The following CDH19 variants were observed in gnomAD, a reference collection of about 807,000 sequenced individuals.
The protein encoded by CDH19 is cadherin 19.
Under a neutral mutation model 64.2 loss-of-function variants are expected in CDH19, and 67 were observed. That is an observed-to-expected ratio of 1.04 (90% CI 0.86 to 1.28). The LOEUF (loss-of-function observed/expected upper bound fraction) is 1.28, where lower values mean the gene tolerates loss of function less well. Among genes scored for constraint, CDH19 ranks in the 50% most tolerant of loss-of-function variants. The probability of loss-of-function intolerance (pLI) is 0.00; values close to 1 mark genes in which losing one functional copy is unlikely to be tolerated. For missense variants in CDH19, 1,030 were observed against 929.0 expected (o/e 1.11, Z -1.41); for synonymous variants, 346 against 319.3 (o/e 1.08, Z -0.89).
rs1984977104 is a variant in CDH19 at position 66,502,260 on chromosome 18, A to C, written c.*2552T>G. 1 of 152,060 alleles carries C rather than the reference A, an allele frequency of 6.6e-6. No individual in the cohort carries two copies. Among genetic ancestry groups the C allele is most frequent in the East Asian group, 1.9e-4 (1 of 5,180 alleles). 9.4% of individuals were successfully genotyped at this position (152,060 alleles called of 1,614,324 possible). ...TAAAAGGAACATATTTTAGACTACC[A>C]AAGAGATGAGCAATCGTGTCTGTGC... On this transcript the variant is annotated 3_prime_UTR_variant, in exon 12 of 12. Transcript: ENST00000262150.
chr18:66,545,785 T>A (rs1401964400), intron 5 of CDH19, among the ~76,000 whole-genome samples: 1 of 152,086 alleles, frequency 6.6e-6, no homozygotes, highest in Non-Finnish European at 1.5e-5. Context: ...CTGCATTACA[T>A]CAGCCATCCT....
intron 11 of CDH19, 30 bp downstream of exon 11, chr18:66,508,965 A>G: frequency 6.3e-7 from 1 of 1,592,722 alleles, no homozygotes; most frequent in Non-Finnish European, 8.6e-7. Context: ...CATAATGCAA[A>G]TGAGAATAGC....
At chr18:66,568,790 T>C (rs918016098) in intron 2 of CDH19, 80 bp from the exon 3 acceptor site, 16 of 1,119,102 alleles carry the variant, frequency 1.4e-5, no homozygotes, top group Non-Finnish European at 2.0e-5. Context: ...TTTTTATGTA[T>C]GTTAATTATT....
chr18:66,554,354 AT>A (rs1474412532), intron 4 of CDH19, 50 bp downstream of exon 4: 36 of 1,595,450 alleles, frequency 2.3e-5, no homozygotes, highest in Non-Finnish European at 3.1e-5. Context: ...TTTGCTGACA[AT>A]TGCCTTCTTT....
At chr18:66,557,518 T>C (rs1987562512) in intron 3 of CDH19, among the ~76,000 whole-genome samples, 1 of 152,060 alleles carries the variant, frequency 6.6e-6, no homozygotes, top group South Asian at 2.1e-4. Flanking sequence ...TGTGATATTA[T>C]AAATATTCAG....
chr18:66,541,979 C>T (rs938742979), intron 7 of CDH19, among the ~76,000 whole-genome samples: 4 of 152,046 alleles, frequency 2.6e-5, no homozygotes, highest in Middle Eastern at 3.2e-3. Context: ...AGTGGTATTA[C>T]CTATGCATCA....
intron 8 of CDH19, among the ~76,000 whole-genome samples, chr18:66,533,966 A>G (rs1986556164): frequency 6.6e-6 from 1 of 152,020 alleles, no homozygotes; most frequent in South Asian, 2.1e-4. Context: ...GCAGTTACAC[A>G]TATTTTCCCC....
chr18:66,563,720 A>T (rs1350655321), intron 3 of CDH19, among the ~76,000 whole-genome samples: 1 of 151,962 alleles, frequency 6.6e-6, no homozygotes, highest in Non-Finnish European at 1.5e-5. Flanking sequence ...AGCTGCAATT[A>T]CTCTACAACC....
rs1984923446 is a variant in CDH19, at chr18:66,501,154, AAG to A, written c.*3656_*3657del. ...CAATGGAAACCAAAAGAATTTCTAC[AAG>A]TCACTAAGTAAAATAGATTGGATTC... On this transcript the variant is annotated 3_prime_UTR_variant, in exon 12 of 12. Transcript: ENST00000262150. The A allele has an allele frequency of 6.6e-6, 1 of 152,184 alleles. No homozygotes were observed. Among genetic ancestry groups the A allele is most frequent in the Non-Finnish European group, 1.5e-5 (1 of 68,032 alleles). The allele number at this position is 152,184 out of a possible 1,614,324, so 9.4% of individuals were successfully genotyped here.
At chr18:66,561,125 C>T (rs1368939037) in intron 3 of CDH19, among the ~76,000 whole-genome samples, 1 of 152,054 alleles carries the variant, frequency 6.6e-6, no homozygotes, top group Non-Finnish European at 1.5e-5. Flanking sequence ...TAAGAGAAGT[C>T]TATTTATTGC....
intron 3 of CDH19, among the ~76,000 whole-genome samples, chr18:66,566,768 C>T (rs904464977): frequency 2.8e-4 from 42 of 151,866 alleles, no homozygotes; most frequent in African/African-American, 1.0e-3. Context: ...GCCAATCCCA[C>T]TCATTCTAAT....
rs538620894 is a variant in CDH19 at position 66,509,224 on chromosome 18, A to C, written c.1599T>G (p.Thr533=). The change falls in exon 11 of 12, where the codon ACT becomes ACG. Residue 533 remains threonine, a synonymous_variant. Coordinates refer to ENST00000262150, the MANE Select transcript of CDH19 (RefSeq NM_021153.4). The stretch of plus-strand genomic sequence containing the variant: ...CTTGAAGGTTAAAACCAGTTCTATT[A>C]GTCAAAATGACAGCTGTGTTATCTA... ...DNQDNTAVIL[T]NRTGFNLQEE... 6.2e-7 allele frequency: 1 copy of C among 1,612,456 alleles called. No homozygotes were observed. Among genetic ancestry groups the C allele is most frequent in the African/African-American group, 1.3e-5 (1 of 74,960 alleles).
In CDH19 at chr18:66,596,509, C is replaced by A. The variant is rs188769754; in HGVS notation, c.-113+7445G>T. Among the ~76,000 whole-genome samples, 172 of 152,058 alleles carry A rather than the reference C, an allele frequency of 1.1e-3. 5 individuals carry two copies. Among genetic ancestry groups the A allele is most frequent in the Admixed American group, 0.011 (170 of 15,266 alleles). On this transcript the variant is annotated intron_variant, in intron 1 of 11. Coordinates refer to ENST00000262150, the MANE Select transcript of CDH19 (RefSeq NM_021153.4). ...CAGTAACATTTCTATATACTGAGAA[C>A]GTCCATGCTGAGAGCCAAATCAAGA...
intron 9 of CDH19, 137 bp from the exon 10 acceptor site, chr18:66,511,822 G>C (rs369414494): frequency 2.9e-5 from 18 of 613,866 alleles, no homozygotes; most frequent in South Asian, 1.2e-4. Context: ...TGTCAAATCA[G>C]TGGAGAATAT....
intron 9 of CDH19, among the ~76,000 whole-genome samples, chr18:66,515,597 A>AT (rs1199657270): frequency 2.6e-4 from 39 of 151,974 alleles, no homozygotes; most frequent in Non-Finnish European, 4.1e-4. Flanking sequence ...AGGATTTTTC[A>AT]CAAAGTTTCA....
At position 66,572,324 on chromosome 18, in the gene CDH19, G is replaced by A. The variant is rs762497444; in HGVS notation, c.-112-8C>T. 4.3e-5 allele frequency: 26 copies of A among 609,308 alleles called. No individual in the cohort carries two copies. In the Admixed American group the frequency reaches 6.7e-4, roughly 16 times the overall value. 37.7% of individuals were successfully genotyped at this position (609,308 alleles called of 1,614,324 possible). ...TGTGTACCTTCTATATACCTAAAGC[G>A]TCAGAAACAAAACAAAATTTGACAT... On this transcript the variant is annotated splice_polypyrimidine_tract_variant and splice_region_variant and intron_variant, in intron 1 of 11. Coordinates refer to ENST00000262150, the MANE Select transcript of CDH19 (RefSeq NM_021153.4).
chr18:66,535,099 A>G lies in CDH19; in HGVS notation c.1223T>C (p.Ile408Thr). 6.8e-7 allele frequency: 1 copy of G among 1,470,074 alleles called. No individual in the cohort carries two copies. The highest frequency in any genetic ancestry group is 9.2e-7 in the Non-Finnish European group (1 of 1,085,914). The allele number at this position is 1,470,074 out of a possible 1,614,324, so 91.1% of individuals were successfully genotyped here. The change falls in exon 8 of 12, where the codon ATT becomes ACT. Residue 408 changes from isoleucine (I) to threonine (T), a missense_variant. By Grantham distance (89) the Ile-to-Thr change is moderately conservative. Coordinates refer to ENST00000262150, the MANE Select transcript of CDH19 (RefSeq NM_021153.4). ...DNRKSPIRYSITRSKVFNIND... is the reference protein window; with the variant it reads ...DNRKSPIRYSTTRSKVFNIND... ...GATATTGAACACTTTGCTCCTAGTA[A>G]TAGAATACCTGAACCAAAAGGAAAG...
In CDH19 at chr18:66,504,291, C is replaced by CTTTTTTTTT. The variant is rs768595800; in HGVS notation, c.*512_*520dup. 1.8e-5 allele frequency: 2 copies of CTTTTTTTTT among 112,964 alleles called. No individual in the cohort carries two copies. Among genetic ancestry groups the CTTTTTTTTT allele is most frequent in the African/African-American group, 3.3e-5 (1 of 30,732 alleles). The allele number at this position is 112,964 out of a possible 1,614,324, so 7.0% of individuals were successfully genotyped here. A position where few individuals can be genotyped will look rare whatever the true frequency, so the allele number is the denominator to read the frequency against. On this transcript the variant is annotated 3_prime_UTR_variant, in exon 12 of 12. Transcript: ENST00000262150. ...TTTTCTACGAAGATTACCTAGCATT[C>CTTTTTTTTT]TTTTTTTTTTTTTTTTTTTTTAAAT...
intron 1 of CDH19, among the ~76,000 whole-genome samples, chr18:66,590,871 G>T (rs2000683): frequency 1.3e-5 from 2 of 151,722 alleles, no homozygotes; most frequent in African/African-American, 4.8e-5. Flanking sequence ...AAGGAGCATG[G>T]CATAATCATG....
Sources: gnomAD v4.1 joint callset for allele counts (sites outside exome capture counted in the v4.1 genomes callset) on GRCh38, gnomAD v4.1.1 for gene constraint, MANE v1.5 for transcripts, NCBI Gene and HGNC (gene_info 2026-07-23, HGNC 2026-07-21) for gene names.